The following ARFIP1 variants were observed in gnomAD, a reference collection of about 807,000 sequenced individuals.
ARFIP1 encodes the protein arfaptin-1.
Under a neutral mutation model 42.5 loss-of-function variants are expected in ARFIP1, and 24 were observed. The ratio of observed to expected loss-of-function variants is 0.57; its 90% CI spans 0.41 to 0.80. The LOEUF is 0.80. Ranked by LOEUF, ARFIP1 falls within the 30% of genes least tolerant of loss-of-function variation. ARFIP1 has a pLI of 0.00. For synonymous variants in ARFIP1, 141 were observed against 153.7 expected, an observed-to-expected ratio of 0.92 and a Z score of 0.61; for missense variants, 354 against 434.0, an observed-to-expected ratio of 0.82 and a Z score of 1.64.
intron 8 of ARFIP1, among the ~76,000 whole-genome samples, chr4:152,893,298 CCAAAG>C (rs10552649): frequency 0.027 from 4,089 of 152,250 alleles, 99 homozygotes; most frequent in South Asian, 0.11. Context: ...TTTCATGAGG[CCAAAG>C]CATAGTCTCT....
At chr4:152,908,893 TGTGTGTGTG>T (rs1182476456) in intron 8 of ARFIP1, among the ~76,000 whole-genome samples, 1 of 20,292 alleles carries the variant, frequency 4.9e-5, no homozygotes, top group Non-Finnish European at 1.2e-4. Context: ...TAGAGAGAAG[TGTGTGTGTG>T]TGTGTGTGTG....
Position 152,847,123 on chromosome 4 carries a change from T to C in ARFIP1, c.94-16483T>C, listed in dbSNP as rs1171833020. ...CGTATGTTAATGTTTTTAGGTTTGT[T>C]CTTTTTTTTTTTTTTTTTTTTTTTT... On this transcript the variant is annotated intron_variant, in intron 2 of 8. Transcript: ENST00000353617. 3.9e-5 allele frequency among the ~76,000 whole-genome samples: 5 copies of C among 127,790 alleles called. No homozygotes were observed. The East Asian group carries it at 1.1e-3, about 28-fold the overall frequency. 83.8% of individuals were successfully genotyped at this position (127,790 alleles called of 152,430 possible). A position where few individuals can be genotyped will look rare whatever the true frequency, so the allele number is the denominator to read the frequency against.
At chr4:152,897,983 C>CTTT (rs766083303) in intron 8 of ARFIP1, among the ~76,000 whole-genome samples, 32 of 121,464 alleles carry the variant, frequency 2.6e-4, no homozygotes, top group Non-Finnish European at 3.0e-4. Flanking sequence ...TTGCAATGTT[C>CTTT]TTTTTTTTTT....
At chr4:152,813,604 T>C (rs1729640761) in intron 1 of ARFIP1, among the ~76,000 whole-genome samples, 1 of 152,210 alleles carries the variant, frequency 6.6e-6, no homozygotes. Context: ...AGGAGTACAG[T>C]ATATATCCTG....
At chr4:152,856,420 A>G (rs1733440887) in intron 2 of ARFIP1, among the ~76,000 whole-genome samples, 1 of 152,236 alleles carries the variant, frequency 6.6e-6, no homozygotes. Flanking sequence ...TTTGGGGAAA[A>G]TGAAATAAAA....
intron 1 of ARFIP1, among the ~76,000 whole-genome samples, chr4:152,801,734 A>T (rs1283994253): frequency 6.6e-6 from 1 of 152,200 alleles, no homozygotes; most frequent in African/African-American, 2.4e-5. Flanking sequence ...CAAAGTTACA[A>T]AGAGTAGCTG....
chr4:152,874,148 A>G (rs1057265039), intron 5 of ARFIP1, among the ~76,000 whole-genome samples: 2 of 151,988 alleles, frequency 1.3e-5, no homozygotes, highest in Non-Finnish European at 2.9e-5. Context: ...TTTATGTGTT[A>G]TTATCTGCTA....
At chr4:152,788,059 C>T (rs2149814022) in intron 1 of ARFIP1, among the ~76,000 whole-genome samples, 1 of 152,148 alleles carries the variant, frequency 6.6e-6, no homozygotes, top group East Asian at 1.9e-4. Context: ...AACCCTGTCT[C>T]TACTAAAAAA....
chr4:152,837,591 T>G (rs1374206858), intron 2 of ARFIP1, among the ~76,000 whole-genome samples: 1 of 152,234 alleles, frequency 6.6e-6, no homozygotes, highest in Non-Finnish European at 1.5e-5. Flanking sequence ...GAGAATTGTC[T>G]ATTCATATCT....
At chr4:152,796,391 G>C in intron 1 of ARFIP1, 1 of 732,840 alleles carries the variant, frequency 1.4e-6, no homozygotes, top group South Asian at 1.5e-5. Context: ...GCAGACTTCA[G>C]TAACCATCCT....
intron 1 of ARFIP1, among the ~76,000 whole-genome samples, chr4:152,806,913 A>G (rs1440733724): frequency 1.3e-5 from 2 of 150,920 alleles, no homozygotes; most frequent in East Asian, 3.9e-4. Context: ...ATCATAGCTC[A>G]CTGTAACCTT....
At chr4:152,787,819 A>C (rs1185645814) in intron 1 of ARFIP1, among the ~76,000 whole-genome samples, 2 of 152,246 alleles carry the variant, frequency 1.3e-5, no homozygotes, top group East Asian at 3.8e-4. Context: ...GAAATATTCC[A>C]AATGCCAAAA....
At chr4:152,901,765 G>C (rs533588077) in intron 8 of ARFIP1, among the ~76,000 whole-genome samples, 20 of 152,180 alleles carry the variant, frequency 1.3e-4, no homozygotes, top group African/African-American at 4.3e-4. Flanking sequence ...TTCCTACTCT[G>C]TAAATATGGG....
chr4:152,911,213 ATTCC>A lies in ARFIP1; in HGVS notation c.*999_*1002del, dbSNP rs1738822037. 6.5e-6 allele frequency: 1 copy of A among 152,686 alleles called. No individual in the cohort carries two copies. The highest frequency in any genetic ancestry group is 6.5e-5 in the Admixed American group (1 of 15,288). 9.5% of individuals were successfully genotyped at this position (152,686 alleles called of 1,614,324 possible). ...CTGTTGGATAATGTTTGATGTGTCT[ATTCC>A]TTCCATGGAATGGAGCACTATGTAT... On this transcript the variant is annotated 3_prime_UTR_variant, in exon 9 of 9. Transcript: ENST00000353617.
At chr4:152,801,642 A>C (rs1425244087) in intron 1 of ARFIP1, among the ~76,000 whole-genome samples, 3 of 152,236 alleles carry the variant, frequency 2.0e-5, no homozygotes, top group South Asian at 2.1e-4. Flanking sequence ...AAGGCTGCAG[A>C]CAGTAACGTT....
chr4:152,843,316 G>C (rs564127064), intron 2 of ARFIP1, among the ~76,000 whole-genome samples: 5 of 152,246 alleles, frequency 3.3e-5, no homozygotes, highest in African/African-American at 1.2e-4. Flanking sequence ...TATTCCATTG[G>C]AGGTGGCAGA....
intron 2 of ARFIP1, among the ~76,000 whole-genome samples, chr4:152,856,663 A>G (rs1033391042): frequency 1.3e-5 from 2 of 152,130 alleles, no homozygotes; most frequent in Non-Finnish European, 2.9e-5. Flanking sequence ...CCAAAGGACA[A>G]TCCTGTGCCA....
chr4:152,791,189 G>C (rs1731129206), intron 1 of ARFIP1, among the ~76,000 whole-genome samples: 1 of 152,020 alleles, frequency 6.6e-6, no homozygotes, highest in East Asian at 1.9e-4. Flanking sequence ...TATCTTCTTT[G>C]GTTATTCTAT....
At chr4:152,856,872 A>G (rs1328559247) in intron 2 of ARFIP1, among the ~76,000 whole-genome samples, 1 of 152,244 alleles carries the variant, frequency 6.6e-6, no homozygotes, top group East Asian at 1.9e-4. Flanking sequence ...AAACTTGCAA[A>G]GTTTACAAAT....
Sources: allele counts gnomAD v4.1 joint callset (sites outside exome capture counted in the v4.1 genomes callset), GRCh38; gene constraint gnomAD v4.1.1; transcripts MANE v1.5; gene names NCBI Gene and HGNC (gene_info 2026-07-23, HGNC 2026-07-21).